BRCA2: variants seen among roughly 807,000 people sequenced by gnomAD.
BRCA2 encodes the protein breast cancer type 2 susceptibility protein.
Under a neutral mutation model 276.7 loss-of-function variants are expected in BRCA2, and 203 were observed. That is an observed-to-expected ratio of 0.73 (90% CI 0.65 to 0.82). The LOEUF is 0.82. Among genes scored for constraint, BRCA2 ranks in the 40% least tolerant of loss-of-function variants. The pLI is 0.00. For missense variants in BRCA2, 3,920 were observed against 3,915.0 expected, an observed-to-expected ratio of 1.00 and a Z score of -0.03; for synonymous variants, 1,289 against 1,338.4, an observed-to-expected ratio of 0.96 and a Z score of 0.81.
intron 14 of BRCA2, 27 bp downstream of exon 14, chr13:32,355,315 A>G: frequency 3.1e-6 from 5 of 1,612,318 alleles, no homozygotes; most frequent in Non-Finnish European, 4.2e-6. Flanking sequence ...TGTGTGATGA[A>G]TTTTTGCCTT....
At chr13:32,392,354 T>C (rs1320398741) in intron 24 of BRCA2, among the ~76,000 whole-genome samples, 5 of 152,178 alleles carry the variant, frequency 3.3e-5, no homozygotes. Flanking sequence ...TATCCCAGGA[T>C]AGAATGGATA....
Position 32,337,664 on chromosome 13 carries a change from A to G in BRCA2, c.3309A>G (p.Leu1103=), listed in dbSNP as rs786203980. 6 of 1,595,178 alleles carry G rather than the reference A, an allele frequency of 3.8e-6. No individual in the cohort carries two copies. The highest frequency in any genetic ancestry group is 4.3e-6 in the Non-Finnish European group (5 of 1,171,790). Residue 1103 remains leucine (L), a synonymous_variant, in exon 11 of 27, where the codon TTA becomes TTG. Transcript: ENST00000380152. ...SKQDFNSNHN[L]TPSQKAEITE... is the part of the protein sequence containing the mutation. The stretch of plus-strand genomic sequence containing the variant: ...AGGATTTTAATTCAAACCATAATTT[A>G]ACACCTAGCCAAAAGGCAGAAATTA...
At chr13:32,373,118 A>T (rs919910100) in intron 20 of BRCA2, among the ~76,000 whole-genome samples, 10 of 151,842 alleles carry the variant, frequency 6.6e-5, no homozygotes, top group Non-Finnish European at 1.3e-4. Flanking sequence ...CAGCCTCCCA[A>T]GTAGCTGGGA....
chr13:32,388,733 T>C (rs1472801447), intron 24 of BRCA2, among the ~76,000 whole-genome samples: 1 of 151,476 alleles, frequency 6.6e-6, no homozygotes, highest in Non-Finnish European at 1.5e-5. Context: ...TAAGTCAAAT[T>C]GATTAATGTT....
chr13:32,339,856 G>T lies in BRCA2; in HGVS notation c.5501G>T (p.Ser1834Ile). Residue 1834 changes from serine (S) to isoleucine (I), a missense_variant, in exon 11 of 27, where the codon AGT (serine) becomes ATT (isoleucine). This residue lies in a region of BRCA2 where 3,263 missense variants were observed against 3,156.9 expected (regional missense o/e 1.03). Transcript: ENST00000380152. ...GCCATTAAATTGTCCATATCTAATA[G>T]TAATAATTTTGAGGTAGGGCCACCT... ...NAAIKLSISN[S>I]NNFEVGPPAF... 6.2e-7 allele frequency: 1 copy of T among 1,613,248 alleles called. No homozygotes were observed. Among genetic ancestry groups the T allele is most frequent in the Non-Finnish European group, 8.5e-7 (1 of 1,179,576 alleles).
intron 10 of BRCA2, 143 bp from the exon 11 acceptor site, chr13:32,336,122 T>C: frequency 1.1e-6 from 1 of 873,360 alleles, no homozygotes. Context: ...TCAAGCAGTC[T>C]TCCTGCCTCA....
chr13:32,364,979 A>G (rs996919802), intron 18 of BRCA2, among the ~76,000 whole-genome samples: 1 of 152,146 alleles, frequency 6.6e-6, no homozygotes, highest in African/African-American at 2.4e-5. Context: ...GAAAAGGAGC[A>G]TGCAAGCTTT....
chr13:32,315,109 T>C (rs927273467), upstream of BRCA2, among the ~76,000 whole-genome samples: 8 of 152,182 alleles, frequency 5.3e-5, no homozygotes, highest in East Asian at 9.7e-4. Context: ...ATCGGCTCGC[T>C]TTGGGGAACA....
rs1566258951 is a variant in BRCA2 at position 32,394,784 on chromosome 13, A to G, written c.9352A>G (p.Met3118Val). 3 of 1,614,138 alleles carry G rather than the reference A, an allele frequency of 1.9e-6. No homozygotes were observed. The highest frequency in any genetic ancestry group is 1.7e-6 in the Non-Finnish European group (2 of 1,179,982). ...TAATGAGGACATTATTAAGCCTCAT[A>G]TGTTAATTGCTGCAAGCAACCTCCA... ...DLNEDIIKPH[M>V]LIAASNLQWR... Residue 3118 changes from methionine to valine, a missense_variant, in exon 25 of 27, where the codon ATG (methionine) becomes GTG (valine). By Grantham distance (21) the Met-to-Val change is conservative (BLOSUM62 1). Coordinates refer to ENST00000380152, the MANE Select transcript of BRCA2 (RefSeq NM_000059.4).
Position 32,376,736 on chromosome 13 carries a change from A to G in BRCA2, c.8699A>G (p.Asp2900Gly), listed in dbSNP as rs398122712. Reference protein sequence around the residue: ...LTRQQVRALQDGAELYEAVKN... With the variant: ...LTRQQVRALQGGAELYEAVKN... The stretch of plus-strand genomic sequence containing the variant: ...AGACAGCAAGTTCGTGCTTTGCAAG[A>G]TGGTGCAGAGCTTTATGAAGCAGTG... Residue 2900 changes from aspartate to glycine, a missense_variant, in exon 21 of 27, where the codon GAT becomes GGT. By Grantham distance (94) the Asp-to-Gly change is moderately conservative. Coordinates refer to ENST00000380152, the MANE Select transcript of BRCA2 (RefSeq NM_000059.4). 2 of 1,614,164 alleles carry G rather than the reference A, an allele frequency of 1.2e-6. No homozygotes were observed. Among genetic ancestry groups the G allele is most frequent in the Non-Finnish European group, 1.7e-6 (2 of 1,180,020 alleles).
At chr13:32,326,204 A>G in intron 5 of BRCA2, 38 bp from the exon 6 acceptor site, 1 of 1,611,020 alleles carries the variant, frequency 6.2e-7, no homozygotes, top group Non-Finnish European at 8.5e-7. Context: ...TGTTAATAAA[A>G]ATAAAACTTA....
intron 3 of BRCA2, among the ~76,000 whole-genome samples, chr13:32,322,415 A>C (rs939325160): frequency 2.6e-5 from 4 of 152,226 alleles, no homozygotes; most frequent in Admixed American, 2.0e-4. Flanking sequence ...AGTGATAAGC[A>C]TTGTTTCTAT....
chr13:32,382,383 A>G (rs2072930479), intron 24 of BRCA2, among the ~76,000 whole-genome samples: 1 of 152,210 alleles, frequency 6.6e-6, no homozygotes, highest in Admixed American at 6.5e-5. Context: ...ATATAAATGT[A>G]AATATAGGAA....
chr13:32,352,312 A>G (rs1180996998), intron 13 of BRCA2, among the ~76,000 whole-genome samples: 1 of 152,148 alleles, frequency 6.6e-6, no homozygotes, highest in Non-Finnish European at 1.5e-5. Flanking sequence ...TATGTGTAAA[A>G]TGGGAGAATA....
chr13:32,323,599 G>A (rs2072322647), intron 3 of BRCA2, among the ~76,000 whole-genome samples: 1 of 152,160 alleles, frequency 6.6e-6, no homozygotes, highest in South Asian at 2.1e-4. Flanking sequence ...TAGTGATTAT[G>A]TCTAGTCCAT....
rs2073006499 is a variant in BRCA2, at chr13:32,392,814, CCT to C, written c.9257-1874_9257-1873del. 2.0e-5 allele frequency among the ~76,000 whole-genome samples: 3 copies of C among 152,036 alleles called. No individual in the cohort carries two copies. In the South Asian group the frequency reaches 6.2e-4, roughly 32 times the overall value. ...ATTGTTTGAGTTTAAGGTATTTTAC[CCT>C]GTTTCCCCTTTTTTGTTCTGGGATC... is the stretch of plus-strand genomic sequence containing the variant. On this transcript the variant is annotated intron_variant, in intron 24 of 26. Transcript: ENST00000380152.
chr13:32,363,098 TCA>T (rs1277469664), intron 17 of BRCA2, 79 bp from the exon 18 acceptor site: 19 of 1,182,762 alleles, frequency 1.6e-5, no homozygotes, highest in Non-Finnish European at 2.2e-5. Context: ...GTTTTTATTC[TCA>T]GTTATTCAGT....
rs28897716 is a variant in BRCA2, at chr13:32,337,158, G to C, written c.2803G>C (p.Asp935His). 9.1e-5 allele frequency: 147 copies of C among 1,613,832 alleles called. No individual in the cohort carries two copies. Among genetic ancestry groups the C allele is most frequent in the Non-Finnish European group, 1.2e-4 (144 of 1,179,864 alleles). Reference sequence around the variant, plus strand: ...CATGGTTTTATATGGAGACACAGGTGATAAACAAGCAACCCAAGTGTCAAT... The same window carrying C: ...CATGGTTTTATATGGAGACACAGGTCATAAACAAGCAACCCAAGTGTCAAT... ...STMVLYGDTG[D>H]KQATQVSIKK... is the part of the protein sequence containing the mutation. Residue 935 changes from aspartate (D) to histidine (H), a missense_variant, in exon 11 of 27, where the codon GAT becomes CAT. By Grantham distance (81) the Asp-to-His change is moderately conservative. Coordinates refer to ENST00000380152, the MANE Select transcript of BRCA2 (RefSeq NM_000059.4).
rs397507296 is a variant in BRCA2 at position 32,337,273 on chromosome 13, C to G, written c.2918C>G (p.Ser973Trp). The change falls in exon 11 of 27, where the codon TCG becomes TGG. Residue 973 changes from serine to tryptophan, a missense_variant. Ser to Trp is a radical substitution (Grantham distance 177, BLOSUM62 -3). Transcript: ENST00000380152. ...IKMTLGQDLKSDISLNIDKIP... is the reference protein window; with the variant it reads ...IKMTLGQDLKWDISLNIDKIP... ...ATGACTCTAGGTCAAGATTTAAAAT[C>G]GGACATCTCCTTGAATATAGATAAA... 1 of 1,611,496 alleles carries G rather than the reference C, an allele frequency of 6.2e-7. No homozygotes were observed. Among genetic ancestry groups the G allele is most frequent in the Non-Finnish European group, 8.5e-7 (1 of 1,179,204 alleles).
Sources: gnomAD v4.1 joint callset for allele counts (sites outside exome capture counted in the v4.1 genomes callset) on GRCh38, gnomAD v4.1.1 for gene constraint, gnomAD v4.1.1 regional missense constraint, MANE v1.5 for transcripts, NCBI Gene and HGNC (gene_info 2026-07-23, HGNC 2026-07-21) for gene names.